The following DNAH11 variants were observed in gnomAD, a reference collection of about 807,000 sequenced individuals.
DNAH11 encodes axonemal beta dynein heavy chain 11.
A neutral mutation model predicts 526.0 loss-of-function variants in DNAH11; 442 were observed. The observed-to-expected ratio is 0.84, with a 90% CI of 0.78 to 0.91. The LOEUF (loss-of-function observed/expected upper bound fraction) is 0.91, where lower values mean the gene tolerates loss of function less well. DNAH11 is among the 40% of genes least tolerant of loss of function. The pLI, the probability that DNAH11 is intolerant of heterozygous loss-of-function variation, is 0.00. For missense variants in DNAH11, 6,989 were observed against 5,448.7 expected (o/e 1.28, Z -8.90); for synonymous variants, 2,461 against 1,935.9 (o/e 1.27, Z -7.12).
At chr7:21,861,735 A>G (rs1309781872) in intron 68 of DNAH11, 118 bp from the exon 69 acceptor site, 3 of 1,021,182 alleles carry the variant, frequency 2.9e-6, no homozygotes, top group African/African-American at 3.3e-5. Context: ...CCTCCTAAAA[A>G]TTTTGCCTCA....
At chr7:21,569,909 C>G (rs1345202902) in intron 6 of DNAH11, among the ~76,000 whole-genome samples, 160 bp from the exon 7 acceptor site, 2 of 152,164 alleles carry the variant, frequency 1.3e-5, no homozygotes, top group Non-Finnish European at 2.9e-5. Context: ...CATTGAAGTC[C>G]AAGTAGCTGA....
intron 66 of DNAH11, among the ~76,000 whole-genome samples, chr7:21,846,603 G>A (rs1782430690): frequency 6.6e-6 from 1 of 152,040 alleles, no homozygotes; most frequent in South Asian, 2.1e-4. Flanking sequence ...TGTTGGATTT[G>A]ATTTGCTAAT....
chr7:21,692,077 C>T lies in DNAH11; in HGVS notation c.6041+1196C>T, dbSNP rs1468872594. 2.0e-5 allele frequency among the ~76,000 whole-genome samples: 3 copies of T among 152,152 alleles called. No individual in the cohort carries two copies. In the South Asian group the frequency reaches 6.2e-4, roughly 31 times the overall value. On this transcript the variant is annotated intron_variant, in intron 35 of 81. Transcript: ENST00000409508. ...ATTCACTTATAATTTAAGTCAACTT[C>T]ATTCAGGTATCATTTTTTTGGTTCA...
intron 62 of DNAH11, among the ~76,000 whole-genome samples, chr7:21,805,238 C>A (rs985035281): frequency 2.6e-5 from 4 of 152,276 alleles, no homozygotes; most frequent in Admixed American, 2.6e-4. Flanking sequence ...TTTTTGATAG[C>A]ATTTATTGCA....
chr7:21,681,721 G>T (rs982188663), intron 31 of DNAH11, 44 bp downstream of exon 31: 2 of 1,611,098 alleles, frequency 1.2e-6, no homozygotes, highest in Admixed American at 1.7e-5. Context: ...ATTGTTTCCT[G>T]AAAGTGGTGT....
chr7:21,718,055 C>G, intron 43 of DNAH11, 130 bp downstream of exon 43: 2 of 1,282,696 alleles, frequency 1.6e-6, no homozygotes, highest in Non-Finnish European at 2.1e-6. Flanking sequence ...TGCTGCAACC[C>G]TCTTGCCCCC....
chr7:21,888,000 G>A (rs1429196535), intron 76 of DNAH11, among the ~76,000 whole-genome samples: 1 of 152,168 alleles, frequency 6.6e-6, no homozygotes, highest in Non-Finnish European at 1.5e-5. Context: ...ACTCGTATTT[G>A]TATGTAGATG....
intron 25 of DNAH11, among the ~76,000 whole-genome samples, chr7:21,629,399 G>A (rs971001816): frequency 6.6e-6 from 1 of 152,114 alleles, no homozygotes; most frequent in South Asian, 2.1e-4. Context: ...AAAATGTTCT[G>A]TGTCAGTCAG....
chr7:21,617,987 G>A (rs1785862986), intron 23 of DNAH11, among the ~76,000 whole-genome samples: 1 of 152,212 alleles, frequency 6.6e-6, no homozygotes, highest in South Asian at 2.1e-4. Context: ...GCTGTCCCCA[G>A]GACAGCAGAG....
At chr7:21,758,166 C>G (rs953352157) in intron 54 of DNAH11, among the ~76,000 whole-genome samples, 98 of 152,322 alleles carry the variant, frequency 6.4e-4, no homozygotes, top group African/African-American at 2.2e-3. Flanking sequence ...ATGCTGCCAA[C>G]TGTGTTTTGC....
chr7:21,726,105 C>G lies in DNAH11; in HGVS notation c.7440+121C>G, dbSNP rs1031749248. On this transcript the variant is annotated intron_variant, in intron 45 of 81. Coordinates refer to ENST00000409508, the MANE Select transcript of DNAH11 (RefSeq NM_001277115.2). ...TTGGCTCATGATTCCACAGGCTGCCCAGGAAGCATGATGCTGGCATCTGCT... is the reference window on the plus strand; with the variant it reads ...TTGGCTCATGATTCCACAGGCTGCCGAGGAAGCATGATGCTGGCATCTGCT... 6 of 1,039,086 alleles carry G rather than the reference C, an allele frequency of 5.8e-6. No homozygotes were observed. The African/African-American group carries it at 9.9e-5, about 17-fold the overall frequency. 64.4% of individuals were successfully genotyped at this position (1,039,086 alleles called of 1,614,324 possible). A position where few individuals can be genotyped will look rare whatever the true frequency, so the allele number is the denominator to read the frequency against.
At chr7:21,871,656 G>T (rs77384485) in intron 73 of DNAH11, among the ~76,000 whole-genome samples, 5,501 of 152,172 alleles carry the variant, frequency 0.036, 339 homozygotes, top group African/African-American at 0.12. Flanking sequence ...TGAGAAATAC[G>T]CTTTCCTTAT....
chr7:21,602,076 A>G (rs2128447423), intron 18 of DNAH11, among the ~76,000 whole-genome samples: 1 of 152,226 alleles, frequency 6.6e-6, no homozygotes, highest in Non-Finnish European at 1.5e-5. Flanking sequence ...GTGGTGGCTC[A>G]TGTCTGTAAT....
chr7:21,847,018 C>A (rs1782446334), intron 66 of DNAH11, among the ~76,000 whole-genome samples: 1 of 152,076 alleles, frequency 6.6e-6, no homozygotes, highest in Non-Finnish European at 1.5e-5. Flanking sequence ...CTTTAATATT[C>A]ATGGAATTGG....
At chr7:21,799,962 C>T (rs1253012517) in intron 61 of DNAH11, among the ~76,000 whole-genome samples, 1 of 152,160 alleles carries the variant, frequency 6.6e-6, no homozygotes, top group Non-Finnish European at 1.5e-5. Context: ...TGAGGAGTCT[C>T]ACAAGCATTT....
chr7:21,859,205 C>G (rs1782964774), intron 68 of DNAH11, among the ~76,000 whole-genome samples: 1 of 152,130 alleles, frequency 6.6e-6, no homozygotes, highest in Non-Finnish European at 1.5e-5. Context: ...TCTCCACCTC[C>G]CAGGTTGAAG....
intron 23 of DNAH11, chr7:21,618,380 G>T (rs1220541939): frequency 1.3e-5 from 2 of 152,838 alleles, no homozygotes; most frequent in Non-Finnish European, 2.9e-5. Flanking sequence ...GCAGATTCTG[G>T]ATATTCTTAG....
chr7:21,737,754 G>A (rs1009295917), intron 46 of DNAH11, among the ~76,000 whole-genome samples: 2 of 152,274 alleles, frequency 1.3e-5, no homozygotes, highest in East Asian at 3.9e-4. Flanking sequence ...AACCCCCTAA[G>A]CAGGACCACA....
chr7:21,703,829 ACTTTT>A (rs965801061), intron 37 of DNAH11: 3 of 152,070 alleles, frequency 2.0e-5, no homozygotes, highest in Admixed American at 1.3e-4. Context: ...GTATTTTTGT[ACTTTT>A]CTTTGCCAAT....
Sources: allele counts gnomAD v4.1 joint callset (sites outside exome capture counted in the v4.1 genomes callset), GRCh38; gene constraint gnomAD v4.1.1; transcripts MANE v1.5; gene names NCBI Gene and HGNC (gene_info 2026-07-23, HGNC 2026-07-21).